EIF4G3: variants seen among roughly 807,000 people sequenced by gnomAD.
The protein encoded by EIF4G3 is eukaryotic translation initiation factor 4 gamma 3, also known as eIF-4-gamma 3.
In EIF4G3, 34 loss-of-function variants were observed where a neutral mutation model predicts 186.4. That is an observed-to-expected ratio of 0.18 (90% confidence interval 0.14 to 0.24). The LOEUF is 0.24. EIF4G3 is among the 10% of genes least tolerant of loss of function. EIF4G3 has a pLI of 1.00. For missense variants in EIF4G3, 1,536 were observed against 1,948.5 expected (o/e 0.79, Z 3.99); for synonymous variants, 673 against 679.5 (o/e 0.99, Z 0.15).
intron 20 of EIF4G3, among the ~76,000 whole-genome samples, chr1:20,869,723 C>T (rs61781080): frequency 0.34 from 48,300 of 143,052 alleles, 8,496 homozygotes; most frequent in Non-Finnish European, 0.39. Flanking sequence ...TGCAGTGAGC[C>T]GAGATTGTGC....
chr1:20,876,481 TAATTC>T (rs1160165920), intron 20 of EIF4G3, among the ~76,000 whole-genome samples: 1 of 146,310 alleles, frequency 6.8e-6, no homozygotes, highest in Non-Finnish European at 1.5e-5. Context: ...ATAATTTATA[TAATTC>T]AATTAAAGCA....
In EIF4G3 at chr1:21,164,562, A is replaced by T. The variant is rs182732097; in HGVS notation, c.-272+11613T>A. ...GGCAACACAGTGAGACTCTGTCTCT[A>T]CCGAAAATAAAAAACTAGGCAGGAG... On this transcript the variant is annotated intron_variant, in intron 2 of 36. Coordinates refer to ENST00000602326, the MANE Select transcript of EIF4G3 (RefSeq NM_001391906.1). Among the ~76,000 whole-genome samples the T allele has an allele frequency of 5.1e-3, 778 of 152,222 alleles. 7 individuals carry two copies. The highest frequency in any genetic ancestry group is 0.018 in the African/African-American group (755 of 41,538).
At chr1:20,844,912 T>C (rs957867637) in intron 29 of EIF4G3, among the ~76,000 whole-genome samples, 5 of 152,180 alleles carry the variant, frequency 3.3e-5, no homozygotes, top group Admixed American at 2.6e-4. Flanking sequence ...TCCTATTCTG[T>C]AAGTTGTCTG....
At chr1:20,854,944 A>G (rs1291825991) in intron 26 of EIF4G3, 34 bp downstream of exon 26, 1 of 1,576,218 alleles carries the variant, frequency 6.3e-7, no homozygotes, top group Admixed American at 1.7e-5. Flanking sequence ...CTAACAAGCC[A>G]CAGCCAGGTT....
At chr1:21,058,987 T>C (rs2094734642) in intron 3 of EIF4G3, among the ~76,000 whole-genome samples, 1 of 151,956 alleles carries the variant, frequency 6.6e-6, no homozygotes, top group Non-Finnish European at 1.5e-5. Flanking sequence ...TTATTCTATA[T>C]ATTTTATATA....
At chr1:20,871,213 G>T (rs1367125205) in intron 20 of EIF4G3, among the ~76,000 whole-genome samples, 3 of 152,212 alleles carry the variant, frequency 2.0e-5, no homozygotes, top group Non-Finnish European at 4.4e-5. Flanking sequence ...GAGAAAAATG[G>T]CTTAACAACT....
chr1:21,077,822 G>A (rs1364509312), intron 3 of EIF4G3, among the ~76,000 whole-genome samples: 1 of 150,924 alleles, frequency 6.6e-6, no homozygotes, highest in South Asian at 2.1e-4. Flanking sequence ...GGAGGTTGTG[G>A]TGAGCCAAGA....
intron 29 of EIF4G3, among the ~76,000 whole-genome samples, chr1:20,843,287 G>A (rs561041873): frequency 1.5e-4 from 23 of 152,138 alleles, no homozygotes; most frequent in African/African-American, 4.6e-4. Context: ...AGGCCAAGGC[G>A]GGCAGATCAT....
chr1:21,026,362 C>T (rs921396042), intron 4 of EIF4G3, among the ~76,000 whole-genome samples: 1 of 151,954 alleles, frequency 6.6e-6, no homozygotes, highest in East Asian at 1.9e-4. Flanking sequence ...TGAAGTTAGA[C>T]CCTCACTTAA....
At chr1:21,060,118 A>AT (rs2094811587) in intron 3 of EIF4G3, among the ~76,000 whole-genome samples, 2 of 151,894 alleles carry the variant, frequency 1.3e-5, no homozygotes, top group Admixed American at 1.3e-4. Flanking sequence ...TGCCCGGCTA[A>AT]TTTTTTATTT....
chr1:21,019,559 G>A (rs372257158), intron 4 of EIF4G3, among the ~76,000 whole-genome samples: 13 of 151,950 alleles, frequency 8.6e-5, no homozygotes, highest in Admixed American at 7.9e-4. Context: ...TTTTATTATC[G>A]AGGGAGAGTA....
At chr1:20,830,012 TTTG>T (rs1194485735) in intron 30 of EIF4G3, among the ~76,000 whole-genome samples, 1 of 152,218 alleles carries the variant, frequency 6.6e-6, no homozygotes. Flanking sequence ...AACTCAAGAC[TTTG>T]TTAATTATTT....
chr1:21,048,717 C>A (rs1156449831), intron 4 of EIF4G3, among the ~76,000 whole-genome samples: 2 of 152,178 alleles, frequency 1.3e-5, no homozygotes, highest in Non-Finnish European at 2.9e-5. Context: ...AGAATTCTCA[C>A]AAGTTCTGAG....
intron 11 of EIF4G3, among the ~76,000 whole-genome samples, chr1:20,970,493 G>A (rs953936504): frequency 2.0e-5 from 3 of 152,072 alleles, no homozygotes; most frequent in Admixed American, 6.5e-5. Context: ...CATGCCTGTA[G>A]TCTCAGCTAC....
At chr1:20,979,686 A>T (rs999068793) in intron 10 of EIF4G3, among the ~76,000 whole-genome samples, 1 of 152,104 alleles carries the variant, frequency 6.6e-6, no homozygotes, top group African/African-American at 2.4e-5. Flanking sequence ...TGTAAAGAAG[A>T]TGTCATTAAC....
chr1:21,034,078 G>A (rs189843145), intron 4 of EIF4G3, among the ~76,000 whole-genome samples: 1 of 152,288 alleles, frequency 6.6e-6, no homozygotes, highest in Non-Finnish European at 1.5e-5. Flanking sequence ...CTGGATGACA[G>A]AGGGAGACTG....
At chr1:21,172,455 T>C (rs1399762276) in intron 2 of EIF4G3, among the ~76,000 whole-genome samples, 1 of 152,226 alleles carries the variant, frequency 6.6e-6, no homozygotes, top group African/African-American at 2.4e-5. Context: ...GCACTGAGTG[T>C]AGCAGCACAC....
At chr1:21,101,019 C>G (rs1482796087) in intron 2 of EIF4G3, among the ~76,000 whole-genome samples, 4 of 152,080 alleles carry the variant, frequency 2.6e-5, no homozygotes, top group Non-Finnish European at 4.4e-5. Flanking sequence ...AAACCCAAGT[C>G]AAAGCACGCT....
At chr1:21,047,639 G>A (rs187682391) in intron 4 of EIF4G3, among the ~76,000 whole-genome samples, 130 of 152,152 alleles carry the variant, frequency 8.5e-4, no homozygotes, top group Middle Eastern at 6.8e-3. Flanking sequence ...CCTTCTTCGT[G>A]TTTCATATGT....
Sources: gnomAD v4.1 joint callset for allele counts (sites outside exome capture counted in the v4.1 genomes callset) on GRCh38, gnomAD v4.1.1 for gene constraint, MANE v1.5 for transcripts, NCBI Gene and HGNC (gene_info 2026-07-23, HGNC 2026-07-21) for gene names.